TRPS1: variants seen among roughly 807,000 people sequenced by gnomAD.
The protein encoded by TRPS1 is zinc finger transcription factor Trps1.
A neutral mutation model predicts 101.2 loss-of-function variants in TRPS1; 6 were observed. That is an observed-to-expected ratio of 0.06 (90% CI 0.03 to 0.12). The LOEUF (loss-of-function observed/expected upper bound fraction) is 0.12, where lower values mean the gene tolerates loss of function less well. Among genes scored for constraint, TRPS1 ranks in the 10% least tolerant of loss-of-function variants. TRPS1 has a pLI of 1.00. For synonymous variants in TRPS1, 578 were observed against 589.8 expected (o/e 0.98, Z 0.29); for missense variants, 1,363 against 1,567.0 (o/e 0.87, Z 2.20).
intron 5 of TRPS1, among the ~76,000 whole-genome samples, chr8:115,421,079 G>C (rs1813041451): frequency 6.6e-6 from 1 of 151,880 alleles, no homozygotes; most frequent in African/African-American, 2.4e-5. Flanking sequence ...CCACCTCCCG[G>C]GTTCAAGCAA....
chr8:115,453,265 C>T (rs970295425), intron 5 of TRPS1, among the ~76,000 whole-genome samples: 16 of 152,154 alleles, frequency 1.1e-4, no homozygotes, highest in African/African-American at 3.6e-4. Flanking sequence ...GTGATCTGCC[C>T]TCCTCGGCCT....
At chr8:115,483,577 T>C (rs1415100176) in intron 5 of TRPS1, among the ~76,000 whole-genome samples, 1 of 151,404 alleles carries the variant, frequency 6.6e-6, no homozygotes, top group East Asian at 1.9e-4. Flanking sequence ...CATCCTATGA[T>C]AAATAATCAT....
intron 1 of TRPS1, among the ~76,000 whole-genome samples, chr8:115,640,230 C>T (rs1197262518): frequency 6.6e-6 from 1 of 152,056 alleles, no homozygotes; most frequent in Non-Finnish European, 1.5e-5. Flanking sequence ...TTTTATGTAC[C>T]TCTTTCTACC....
At chr8:115,529,845 A>T (rs1445234217) in intron 5 of TRPS1, among the ~76,000 whole-genome samples, 2 of 152,178 alleles carry the variant, frequency 1.3e-5, no homozygotes, top group Non-Finnish European at 2.9e-5. Context: ...TAGAAAGCAT[A>T]GTTCCTCAAC....
chr8:115,601,458 C>G (rs1817905971), intron 4 of TRPS1, among the ~76,000 whole-genome samples: 1 of 152,112 alleles, frequency 6.6e-6, no homozygotes, highest in South Asian at 2.1e-4. Flanking sequence ...TTTATCTTTT[C>G]TACTAAGCTG....
chr8:115,628,565 T>G (rs900833689), intron 1 of TRPS1, among the ~76,000 whole-genome samples: 2 of 151,796 alleles, frequency 1.3e-5, no homozygotes, highest in East Asian at 3.8e-4. Flanking sequence ...AATAACTTTT[T>G]CCTGACTTCT....
chr8:115,466,136 A>G (rs1251691414), intron 5 of TRPS1, among the ~76,000 whole-genome samples: 1 of 152,146 alleles, frequency 6.6e-6, no homozygotes, highest in African/African-American at 2.4e-5. Flanking sequence ...GGCTTCAGTA[A>G]TCAACATGGG....
chr8:115,590,855 G>A (rs1303555240), intron 4 of TRPS1, among the ~76,000 whole-genome samples: 1 of 151,850 alleles, frequency 6.6e-6, no homozygotes, highest in Non-Finnish European at 1.5e-5. Flanking sequence ...AAGCCCCTCT[G>A]TTCTCTGTGA....
At chr8:115,427,903 A>G (rs1227077999) in intron 5 of TRPS1, among the ~76,000 whole-genome samples, 1 of 152,138 alleles carries the variant, frequency 6.6e-6, no homozygotes, top group Non-Finnish European at 1.5e-5. Flanking sequence ...GTGTCAAAAA[A>G]AATAAAAAAA....
At chr8:115,515,175 T>A in intron 5 of TRPS1, 1 of 687,066 alleles carries the variant, frequency 1.5e-6, no homozygotes, top group South Asian at 1.5e-5. Flanking sequence ...ATTCTTTTCG[T>A]TACTCTCCAT....
chr8:115,588,390 T>C lies in TRPS1; in HGVS notation c.2097-786A>G, dbSNP rs903119301. ...TGAGAACGTAAACACATTCAAGAAA[T>C]TGAGTGTCTGTTGAGTGTCAAACAC... On this transcript the variant is annotated intron_variant, in intron 4 of 6. Transcript: ENST00000395715. Among the ~76,000 whole-genome samples the C allele has an allele frequency of 5.3e-5, 8 of 152,170 alleles. No individual in the cohort carries two copies. The South Asian group carries it at 8.3e-4, about 16-fold the overall frequency.
rs1422547761 is a variant in TRPS1, at chr8:115,580,243, A to AT, written c.2700+6757_2700+6758insA. Among the ~76,000 whole-genome samples, 318 of 139,048 alleles carry AT rather than the reference A, an allele frequency of 2.3e-3. 1 individual carries two copies. The highest frequency in any genetic ancestry group is 3.7e-3 in the Non-Finnish European group (243 of 65,296). The allele number at this position is 139,048 out of a possible 152,430, so 91.2% of individuals were successfully genotyped here. On this transcript the variant is annotated intron_variant, in intron 5 of 6. Transcript: ENST00000395715. ...AATGGAAGGGAGAGAAGAAAAAAAA[A>AT]AAATATATATATATATATATATGAG...
At chr8:115,492,787 C>G (rs767657515) in intron 5 of TRPS1, among the ~76,000 whole-genome samples, 14 of 152,102 alleles carry the variant, frequency 9.2e-5, no homozygotes, top group Non-Finnish European at 2.1e-4. Context: ...GATCTCGGCT[C>G]ACTGCAACCA....
chr8:115,414,009 T>G lies in TRPS1; in HGVS notation c.*14A>C. The stretch of plus-strand genomic sequence containing the variant: ...AAAACCTATTTCTATTTAATTGTGC[T>G]AAGTGCTAAGGTTTTACTCTTTAGG... On this transcript the variant is annotated 3_prime_UTR_variant, in exon 7 of 7. Coordinates refer to ENST00000395715, the MANE Select transcript of TRPS1 (RefSeq NM_014112.5). This position sits in a 1 kb window ranked among gnomAD's most constrained non-coding sequence, Gnocchi z 4.8. 1.9e-6 allele frequency: 3 copies of G among 1,611,350 alleles called. No homozygotes were observed. Among genetic ancestry groups the G allele is most frequent in the Non-Finnish European group, 2.5e-6 (3 of 1,178,338 alleles).
chr8:115,532,743 T>G (rs1816165856), intron 5 of TRPS1, among the ~76,000 whole-genome samples: 1 of 152,058 alleles, frequency 6.6e-6, no homozygotes, highest in East Asian at 1.9e-4. Context: ...CTCTGAGTAG[T>G]AAGTGAATAA....
At chr8:115,567,589 T>A (rs1262954485) in intron 5 of TRPS1, among the ~76,000 whole-genome samples, 1 of 152,038 alleles carries the variant, frequency 6.6e-6, no homozygotes, top group Non-Finnish European at 1.5e-5. Context: ...GAATGAGCAC[T>A]TTTGCAGTGA....
intron 1 of TRPS1, among the ~76,000 whole-genome samples, chr8:115,665,915 T>C (rs1811910580): frequency 6.6e-6 from 1 of 152,174 alleles, no homozygotes; most frequent in Non-Finnish European, 1.5e-5. Flanking sequence ...TCTACACATA[T>C]ATATCCTAAC....
At chr8:115,481,788 T>C (rs916269595) in intron 5 of TRPS1, among the ~76,000 whole-genome samples, 5 of 152,190 alleles carry the variant, frequency 3.3e-5, no homozygotes, top group African/African-American at 1.2e-4. Flanking sequence ...TTCTAAAATA[T>C]CTTGGTATAA....
chr8:115,554,248 A>AT (rs1364257718), intron 5 of TRPS1, among the ~76,000 whole-genome samples: 1 of 152,004 alleles, frequency 6.6e-6, no homozygotes, highest in Non-Finnish European at 1.5e-5. Flanking sequence ...ATAGGGGAGG[A>AT]TTTTTTTCTC....
Sources: gnomAD v4.1 joint callset for allele counts (sites outside exome capture counted in the v4.1 genomes callset) on GRCh38, gnomAD v4.1.1 for gene constraint, Gnocchi (gnomAD v3.1) non-coding constraint, MANE v1.5 for transcripts, NCBI Gene and HGNC (gene_info 2026-07-23, HGNC 2026-07-21) for gene names.